Variants in MTMR8 observed in about 807,000 individuals in gnomAD.
MTMR8 encodes the protein myotubularin related protein 8, also known as phosphatidylinositol-3,5-bisphosphate 3-phosphatase MTMR8.
Under a neutral mutation model 39.3 loss-of-function variants are expected in MTMR8, and 65 were observed. That is an observed-to-expected ratio of 1.65 (90% confidence interval 1.35 to 2.03). The LOEUF is 2.03. MTMR8 is among the 30% of genes most tolerant of loss of function. MTMR8 has a pLI of 0.00. For missense variants in MTMR8, 777 were observed against 538.9 expected (o/e 1.44, Z -4.37); for synonymous variants, 245 against 185.2 (o/e 1.32, Z -2.62).
chrX:64,302,986 G>T (rs776924754), intron 12 of MTMR8, among the ~76,000 whole-genome samples: 1 of 112,308 alleles, frequency 8.9e-6, no homozygotes, highest in Non-Finnish European at 1.9e-5. Context: ...ATGGCCTCGT[G>T]CTGTGAAGGA....
At chrX:64,390,472 A>T (rs1924664409) in intron 1 of MTMR8, among the ~76,000 whole-genome samples, 1 of 111,974 alleles carries the variant, frequency 8.9e-6, no homozygotes, top group Non-Finnish European at 1.9e-5. Context: ...CTAAACAATT[A>T]AAAGACAATG....
chrX:64,366,406 C>A (rs181037872), intron 1 of MTMR8, among the ~76,000 whole-genome samples: 103 of 112,242 alleles, frequency 9.2e-4, no homozygotes, highest in African/African-American at 3.2e-3. Flanking sequence ...AACAAACTGT[C>A]TCTCAGACCA....
intron 12 of MTMR8, among the ~76,000 whole-genome samples, chrX:64,294,164 AG>A (rs759128972): frequency 6.2e-5 from 7 of 112,136 alleles, no homozygotes; most frequent in Non-Finnish European, 1.3e-4. Flanking sequence ...AACTATAGAG[AG>A]TTAAATAAGA....
chrX:64,356,839 A>G (rs1357615546), intron 2 of MTMR8, among the ~76,000 whole-genome samples: 1 of 111,264 alleles, frequency 9.0e-6, no homozygotes, highest in Non-Finnish European at 1.9e-5. Flanking sequence ...AAAAAAAAAC[A>G]AAGCTCTGAG....
intron 12 of MTMR8, among the ~76,000 whole-genome samples, chrX:64,308,812 T>A (rs1357892547): frequency 9.0e-6 from 1 of 111,651 alleles, no homozygotes; most frequent in African/African-American, 3.3e-5. Flanking sequence ...TTTTCTTTTT[T>A]AATATGTGGA....
intron 12 of MTMR8, among the ~76,000 whole-genome samples, chrX:64,285,510 C>G (rs1038254832): frequency 2.7e-5 from 3 of 111,786 alleles, no homozygotes; most frequent in African/African-American, 9.8e-5. Context: ...CCCAAATCAA[C>G]AGAATATACA....
chrX:64,385,851 G>C (rs1184540991), intron 1 of MTMR8, among the ~76,000 whole-genome samples: 1 of 111,474 alleles, frequency 9.0e-6, no homozygotes, highest in African/African-American at 3.3e-5. Context: ...AATTCAACTT[G>C]AGACTTGGTG....
At chrX:64,308,367 C>T (rs1162281567) in intron 12 of MTMR8, among the ~76,000 whole-genome samples, 1 of 69,020 alleles carries the variant, frequency 1.4e-5, no homozygotes, top group Non-Finnish European at 2.5e-5. Context: ...GACGGGGTTT[C>T]ACTGTGTTAG....
chrX:64,384,135 T>C (rs1183776059), intron 1 of MTMR8, among the ~76,000 whole-genome samples: 6 of 111,902 alleles, frequency 5.4e-5, no homozygotes, highest in Middle Eastern at 4.7e-3. Context: ...AGAGCAGTCA[T>C]TAAAACTTAA....
chrX:64,348,123 T>C (rs1923389875), intron 6 of MTMR8, among the ~76,000 whole-genome samples: 1 of 111,687 alleles, frequency 9.0e-6, no homozygotes, highest in Non-Finnish European at 1.9e-5. Context: ...CAGCTAACAG[T>C]ACTAGATGCT....
intron 12 of MTMR8, among the ~76,000 whole-genome samples, chrX:64,303,551 C>A (rs1921975926): frequency 8.9e-6 from 1 of 112,170 alleles, no homozygotes; most frequent in Admixed American, 9.5e-5. Context: ...GTGGTTCACA[C>A]AATACTTGTG....
chrX:64,299,675 G>T (rs1338851051), intron 12 of MTMR8, among the ~76,000 whole-genome samples: 1 of 91,870 alleles, frequency 1.1e-5, no homozygotes, highest in African/African-American at 4.0e-5. Flanking sequence ...TGATGTTAGG[G>T]TGTCAATTTT....
chrX:64,345,020 C>T (rs770005701), intron 7 of MTMR8, 25 bp downstream of exon 7: 3 of 1,202,612 alleles, frequency 2.5e-6, no homozygotes, highest in Non-Finnish European at 2.2e-6. Context: ...TGGCCGCTTG[C>T]CTAGCCAAGG....
chrX:64,312,810 A>C (rs768067062), intron 12 of MTMR8, among the ~76,000 whole-genome samples: 1 of 112,523 alleles, frequency 8.9e-6, no homozygotes, highest in East Asian at 2.8e-4. Context: ...ATTCATCTGC[A>C]TGCAGATCTC....
intron 1 of MTMR8, among the ~76,000 whole-genome samples, chrX:64,363,149 C>T (rs1023793179): frequency 9.0e-6 from 1 of 111,380 alleles, no homozygotes; most frequent in East Asian, 2.8e-4. Flanking sequence ...ACGTGGGGAC[C>T]ATTCGGAAGG....
chrX:64,361,069 T>C (rs1166080427), intron 1 of MTMR8, among the ~76,000 whole-genome samples: 1 of 110,659 alleles, frequency 9.0e-6, no homozygotes, highest in Non-Finnish European at 1.9e-5. Flanking sequence ...ATAAACAAAA[T>C]ACAGAATGAA....
At position 64,276,999 on chromosome X, in the gene MTMR8, A is replaced by G. The variant is rs745505892; in HGVS notation, c.1482-5926T>C. Among the ~76,000 whole-genome samples, 160 of 112,116 alleles carry G rather than the reference A, an allele frequency of 1.4e-3. 1 individual carries two copies. The highest frequency in any genetic ancestry group is 5.0e-3 in the African/African-American group (155 of 30,865). On this transcript the variant is annotated intron_variant, in intron 12 of 13. Coordinates refer to ENST00000374852, the MANE Select transcript of MTMR8 (RefSeq NM_017677.4). ...TTGTTGCATTGATCCCTTTACCATT[A>G]TGTAATGCCCTTCTTTGTCTTTTTT...
At chrX:64,336,594 T>G (rs1429308288) in intron 9 of MTMR8, among the ~76,000 whole-genome samples, 1 of 110,061 alleles carries the variant, frequency 9.1e-6, no homozygotes, top group Non-Finnish European at 1.9e-5. Context: ...GGCCAGGAGT[T>G]TGAGACCAGA....
At chrX:64,332,552 C>T (rs1324732162) in intron 10 of MTMR8, among the ~76,000 whole-genome samples, 4 of 112,039 alleles carry the variant, frequency 3.6e-5, no homozygotes, top group African/African-American at 1.3e-4. Context: ...GCTTCTGCTG[C>T]TTCCAAGCTA....
Sources: gnomAD v4.1 joint callset for allele counts (sites outside exome capture counted in the v4.1 genomes callset) on GRCh38, gnomAD v4.1.1 for gene constraint, MANE v1.5 for transcripts, NCBI Gene and HGNC (gene_info 2026-07-23, HGNC 2026-07-21) for gene names.